SPOCK1: variants seen among roughly 807,000 people sequenced by gnomAD.
SPOCK1 encodes the protein testican-1.
SPOCK1 carries 23 observed loss-of-function variants against 55.3 expected under a neutral mutation model. The ratio of observed to expected loss-of-function variants is 0.42; its 90% CI spans 0.30 to 0.59. The LOEUF is 0.59. SPOCK1 is among the 20% of genes least tolerant of loss of function. The probability of loss-of-function intolerance (pLI) is 0.22; values close to 1 mark genes in which losing one functional copy is unlikely to be tolerated. For missense variants in SPOCK1, 499 were observed against 552.5 expected (o/e 0.90, Z 0.97); for synonymous variants, 226 against 221.0 (o/e 1.02, Z -0.20).
At chr5:137,248,042 A>C (rs1756431390) in intron 3 of SPOCK1, among the ~76,000 whole-genome samples, 1 of 152,080 alleles carries the variant, frequency 6.6e-6, no homozygotes, top group Non-Finnish European at 1.5e-5. Flanking sequence ...TTTAGATAAA[A>C]GTTTAGATGC....
At chr5:137,341,916 T>C (rs1750438860) in intron 2 of SPOCK1, among the ~76,000 whole-genome samples, 1 of 152,196 alleles carries the variant, frequency 6.6e-6, no homozygotes, top group Admixed American at 6.5e-5. Context: ...TACCTGAGAA[T>C]GAGTGGTTTT....
intron 5 of SPOCK1, among the ~76,000 whole-genome samples, chr5:137,071,587 T>C (rs1395831106): frequency 6.6e-6 from 1 of 152,204 alleles, no homozygotes; most frequent in Non-Finnish European, 1.5e-5. Context: ...TCAAAGACTT[T>C]ATGATAAAAT....
rs912666665 is a variant in SPOCK1, at chr5:137,416,001, A to T, written c.186+82372T>A. ...CAGGAAGAAAAGGATACAAAGGCTC[A>T]TATCAAATTGCTCCAAACCAGTCAT... On this transcript the variant is annotated intron_variant, in intron 2 of 10. Coordinates refer to ENST00000394945, the MANE Select transcript of SPOCK1 (RefSeq NM_004598.4). Among the ~76,000 whole-genome samples the T allele has an allele frequency of 5.3e-5, 8 of 152,162 alleles. No homozygotes were observed. The South Asian group carries it at 6.2e-4, about 12-fold the overall frequency.
At chr5:137,359,430 C>T (rs185069194) in intron 2 of SPOCK1, among the ~76,000 whole-genome samples, 1 of 152,272 alleles carries the variant, frequency 6.6e-6, no homozygotes, top group East Asian at 1.9e-4. Flanking sequence ...ACATGTAAAG[C>T]ATGTTGAATC....
intron 2 of SPOCK1, among the ~76,000 whole-genome samples, chr5:137,472,504 G>A (rs1753756795): frequency 6.6e-6 from 1 of 152,218 alleles, no homozygotes; most frequent in African/African-American, 2.4e-5. Context: ...TGTGCTGCTG[G>A]TGGGGGCTTT....
chr5:137,061,672 T>TAATCTGTGCCA (rs1752395539), intron 6 of SPOCK1, among the ~76,000 whole-genome samples: 1 of 147,902 alleles, frequency 6.8e-6, no homozygotes. Flanking sequence ...CCTTCTGATC[T>TAATCTGTGCCA]AATCTGTGCC....
chr5:137,229,535 A>C (rs1239380541), intron 3 of SPOCK1, among the ~76,000 whole-genome samples: 1 of 152,304 alleles, frequency 6.6e-6, no homozygotes, highest in Non-Finnish European at 1.5e-5. Flanking sequence ...GGAGAGACCC[A>C]TCTGCTAGAA....
chr5:137,417,287 T>C (rs1236638520), intron 2 of SPOCK1, among the ~76,000 whole-genome samples: 3 of 151,740 alleles, frequency 2.0e-5, no homozygotes, highest in Non-Finnish European at 4.4e-5. Flanking sequence ...AGAAGTTTTA[T>C]AGTTTTACAT....
intron 2 of SPOCK1, among the ~76,000 whole-genome samples, chr5:137,436,032 T>C (rs1260102346): frequency 2.0e-5 from 3 of 151,972 alleles, no homozygotes; most frequent in African/African-American, 7.3e-5. Context: ...GGCACATGCC[T>C]GTAAATCCCA....
intron 2 of SPOCK1, among the ~76,000 whole-genome samples, chr5:137,343,355 T>C (rs750872170): frequency 6.6e-6 from 1 of 152,188 alleles, no homozygotes; most frequent in Non-Finnish European, 1.5e-5. Context: ...AAGAGGTGCA[T>C]AGGCCAGCTC....
intron 3 of SPOCK1, among the ~76,000 whole-genome samples, chr5:137,158,563 G>C (rs1008011374): frequency 6.6e-6 from 1 of 152,186 alleles, no homozygotes; most frequent in Admixed American, 6.5e-5. Context: ...TGAAGGCTCT[G>C]AGTGATTGGG....
chr5:137,160,543 ATATATAATATATATTATATATTATATAT>A (rs1343662225), intron 3 of SPOCK1, among the ~76,000 whole-genome samples: 3 of 49,394 alleles, frequency 6.1e-5, no homozygotes, highest in South Asian at 4.7e-4. Context: ...AATATATAAT[ATATATAATATATATTATATATTATATAT>A]TATATAATAT....
At chr5:137,238,744 T>C (rs1320624180) in intron 3 of SPOCK1, among the ~76,000 whole-genome samples, 2 of 152,204 alleles carry the variant, frequency 1.3e-5, no homozygotes, top group Non-Finnish European at 2.9e-5. Flanking sequence ...AAATATATAC[T>C]TCCTTAACAC....
chr5:137,385,797 T>C (rs2127176964), intron 2 of SPOCK1, among the ~76,000 whole-genome samples: 1 of 152,354 alleles, frequency 6.6e-6, no homozygotes, highest in Middle Eastern at 3.4e-3. Flanking sequence ...GCCAGGTTCC[T>C]ACCATCTGCT....
At chr5:137,224,447 C>T (rs1277028328) in intron 3 of SPOCK1, among the ~76,000 whole-genome samples, 2 of 152,140 alleles carry the variant, frequency 1.3e-5, no homozygotes, top group Non-Finnish European at 2.9e-5. Flanking sequence ...AAGGAGAAAA[C>T]AGCCAAACAG....
chr5:137,108,432 C>T (rs954815273), intron 5 of SPOCK1, among the ~76,000 whole-genome samples: 2 of 152,210 alleles, frequency 1.3e-5, no homozygotes, highest in Non-Finnish European at 2.9e-5. Context: ...GACTAGCACA[C>T]TAATGCCAAG....
intron 2 of SPOCK1, among the ~76,000 whole-genome samples, chr5:137,303,312 G>T (rs774522311): frequency 1.3e-5 from 2 of 151,860 alleles, no homozygotes; most frequent in Non-Finnish European, 2.9e-5. Context: ...TGTGGGGAGG[G>T]GTTCCCACTG....
intron 2 of SPOCK1, among the ~76,000 whole-genome samples, chr5:137,363,932 G>A (rs567691174): frequency 1.3e-5 from 2 of 152,342 alleles, no homozygotes; most frequent in East Asian, 3.9e-4. Context: ...TCTGCAGGAA[G>A]CAGGGTGGAT....
At chr5:137,079,545 C>CT (rs368106497) in intron 5 of SPOCK1, among the ~76,000 whole-genome samples, 1 of 148,584 alleles carries the variant, frequency 6.7e-6, no homozygotes, top group African/African-American at 2.6e-5. Flanking sequence ...CCCCCCCCCC[C>CT]GACTTAGTGA....
Sources: gnomAD v4.1 joint callset for allele counts (sites outside exome capture counted in the v4.1 genomes callset) on GRCh38, gnomAD v4.1.1 for gene constraint, MANE v1.5 for transcripts, NCBI Gene and HGNC (gene_info 2026-07-23, HGNC 2026-07-21) for gene names.